The following MROH7 variants were observed in gnomAD, a reference collection of about 807,000 sequenced individuals.
MROH7 encodes maestro heat like repeat family member 7.
A neutral mutation model predicts 129.2 loss-of-function variants in MROH7; 113 were observed. The ratio of observed to expected loss-of-function variants is 0.87; its 90% CI spans 0.75 to 1.02. The LOEUF (loss-of-function observed/expected upper bound fraction) is 1.02. MROH7 is among the 50% of genes least tolerant of loss of function. The pLI is 0.00. For synonymous variants in MROH7, 655 were observed against 667.9 expected (o/e 0.98, Z 0.30); for missense variants, 1,601 against 1,671.3 (o/e 0.96, Z 0.73).
At chr1:54,666,556 T>C (rs1644818748) in intron 4 of MROH7, among the ~76,000 whole-genome samples, 2 of 148,300 alleles carry the variant, frequency 1.3e-5, no homozygotes, top group South Asian at 4.4e-4. Flanking sequence ...CATCTCAGCC[T>C]CCTGAGTAGC....
chr1:54,668,172 T>C lies in MROH7; in HGVS notation c.1306-682T>C, dbSNP rs1644841379. On this transcript the variant is annotated intron_variant, in intron 4 of 23. Transcript: ENST00000421030. ...AGAGGGAAAAAGTGGAAGCTTCCAG[T>C]TTCCTTAAGGACTAGTCCAGGAACT... 2.0e-5 allele frequency among the ~76,000 whole-genome samples: 3 copies of C among 152,342 alleles called. No individual in the cohort carries two copies. The South Asian group carries it at 6.2e-4, about 32-fold the overall frequency.
chr1:54,699,421 A>T (rs1210272986), intron 17 of MROH7: 1 of 151,900 alleles, frequency 6.6e-6, no homozygotes, highest in Non-Finnish European at 1.5e-5. Flanking sequence ...CTCCTGCCTC[A>T]GCTTCCCGAG....
At chr1:54,664,554 T>G (rs1325951960) in intron 3 of MROH7, among the ~76,000 whole-genome samples, 1 of 152,178 alleles carries the variant, frequency 6.6e-6, no homozygotes, top group African/African-American at 2.4e-5. Flanking sequence ...CAAAGCATAG[T>G]GAAGCAGGCA....
At chr1:54,679,204 C>G (rs949757782) in intron 11 of MROH7, 59 bp from the exon 12 acceptor site, 3 of 1,576,636 alleles carry the variant, frequency 1.9e-6, no homozygotes, top group South Asian at 1.1e-5. Context: ...GCACAAAGCT[C>G]GAAGCTCAAA....
intron 10 of MROH7, among the ~76,000 whole-genome samples, chr1:54,675,629 G>T (rs1260077977): frequency 6.7e-6 from 1 of 149,466 alleles, no homozygotes; most frequent in East Asian, 2.0e-4. Context: ...ACAGAGTCTT[G>T]CTCTGTTGCC....
chr1:54,709,959 G>A lies in MROH7; in HGVS notation c.3744G>A (p.Leu1248=), dbSNP rs765187913. 1.9e-6 allele frequency: 3 copies of A among 1,612,684 alleles called. No homozygotes were observed. The highest frequency in any genetic ancestry group is 2.5e-6 in the Non-Finnish European group (3 of 1,178,936). Reference sequence around the variant, plus strand: ...CCCATGACGCAGCTCTGGATAACTTGAGACATGACCCAGAAGCATCAGTGT... The same window carrying A: ...CCCATGACGCAGCTCTGGATAACTTAAGACATGACCCAGAAGCATCAGTGT... ...LNEVKAALDN[L]RHDPEASVCI... Residue 1248 remains leucine (L), a synonymous_variant, in exon 24 of 24, where the codon TTG becomes TTA. Coordinates refer to ENST00000421030, the MANE Select transcript of MROH7 (RefSeq NM_001039464.4).
At chr1:54,691,803 A>AGTGTGTGTGTGTGTGTGTGTGTGT (rs373106798) in intron 15 of MROH7, among the ~76,000 whole-genome samples, 4 of 104,188 alleles carry the variant, frequency 3.8e-5, no homozygotes, top group African/African-American at 1.6e-4. Context: ...AAAAAAAAAA[A>AGTGTGTGTGTGTGTGTGTGTGTGT]GTGTGTGTGT....
intron 1 of MROH7, among the ~76,000 whole-genome samples, chr1:54,643,921 A>T (rs1644424287): frequency 1.3e-5 from 2 of 152,198 alleles, no homozygotes; most frequent in African/African-American, 4.8e-5. Context: ...GATGAGAAAT[A>T]TGCTGTTATT....
chr1:54,664,800 G>T (rs1644785342), intron 3 of MROH7, among the ~76,000 whole-genome samples: 3 of 152,114 alleles, frequency 2.0e-5, no homozygotes, highest in African/African-American at 7.2e-5. Context: ...ATCACTGGAG[G>T]CAGGAGTTCG....
chr1:54,668,591 T>C (rs1644847992), intron 4 of MROH7, among the ~76,000 whole-genome samples: 1 of 152,186 alleles, frequency 6.6e-6, no homozygotes, highest in Non-Finnish European at 1.5e-5. Flanking sequence ...CTTAGCTGAC[T>C]GGAGAAGGGG....
intron 3 of MROH7, among the ~76,000 whole-genome samples, chr1:54,656,454 G>T (rs1644646928): frequency 1.4e-5 from 2 of 145,460 alleles, no homozygotes; most frequent in Non-Finnish European, 3.0e-5. Context: ...AGGTTGCAGT[G>T]AGCCGAGATT....
chr1:54,671,272 C>T (rs1043741231), intron 7 of MROH7, among the ~76,000 whole-genome samples: 2 of 151,562 alleles, frequency 1.3e-5, no homozygotes, highest in African/African-American at 2.4e-5. Context: ...TGGCAGCGGG[C>T]GCCTGTAGGC....
intron 8 of MROH7, 75 bp downstream of exon 8, chr1:54,673,261 G>A (rs1188232893): frequency 1.8e-6 from 2 of 1,142,768 alleles, no homozygotes; most frequent in Admixed American, 4.0e-5. Flanking sequence ...CAGGAGCAGT[G>A]GAGGCCAGAC....
At chr1:54,690,225 C>T (rs550958201) in intron 15 of MROH7, among the ~76,000 whole-genome samples, 11 of 150,828 alleles carry the variant, frequency 7.3e-5, no homozygotes, top group South Asian at 2.1e-4. Flanking sequence ...GCAGCACGGG[C>T]GCCATTTGGG....
intron 3 of MROH7, among the ~76,000 whole-genome samples, chr1:54,663,412 G>T (rs1422209532): frequency 6.6e-6 from 1 of 152,002 alleles, no homozygotes; most frequent in East Asian, 1.9e-4. Context: ...TTGCTCTGTT[G>T]CCTCAGCTGG....
At chr1:54,659,839 T>C (rs912566541) in intron 3 of MROH7, among the ~76,000 whole-genome samples, 11 of 152,208 alleles carry the variant, frequency 7.2e-5, no homozygotes, top group African/African-American at 2.7e-4. Flanking sequence ...AGTAGATTGT[T>C]TTTTGGTGTT....
At chr1:54,660,320 G>C (rs1644712420) in intron 3 of MROH7, among the ~76,000 whole-genome samples, 1 of 152,262 alleles carries the variant, frequency 6.6e-6, no homozygotes. Context: ...ATTCTAGACG[G>C]TGGAGCCCTC....
In MROH7 at chr1:54,678,864, TG is replaced by T. The variant is rs1645022990; in HGVS notation, c.2049+12del. On this transcript the variant is annotated intron_variant, in intron 11 of 23. Transcript: ENST00000421030. ...TCTGCGGGTGATCGAGGTGACTGCCTGGTGCCCATCCAGGAGCGGAGGGTGG... is the reference window on the plus strand; with the variant it reads ...TCTGCGGGTGATCGAGGTGACTGCCTGTGCCCATCCAGGAGCGGAGGGTGG... 1 of 1,605,906 alleles carries T rather than the reference TG, an allele frequency of 6.2e-7. No individual in the cohort carries two copies.
At position 54,694,658 on chromosome 1, in the gene MROH7, C is replaced by T. The variant is rs576288376; in HGVS notation, c.2850-718C>T. ...ATTTTTTTTGTATTTTTAGTAGAGA[C>T]GGGGTTTTACCATGTTGACCAGGCT... On this transcript the variant is annotated intron_variant, in intron 16 of 23. Transcript: ENST00000421030. 1.3e-4 allele frequency among the ~76,000 whole-genome samples: 20 copies of T among 152,190 alleles called. No individual in the cohort carries two copies. In the East Asian group the frequency reaches 2.1e-3, roughly 16 times the overall value.
Sources: gnomAD v4.1 joint callset for allele counts (sites outside exome capture counted in the v4.1 genomes callset) on GRCh38, gnomAD v4.1.1 for gene constraint, MANE v1.5 for transcripts, NCBI Gene and HGNC (gene_info 2026-07-23, HGNC 2026-07-21) for gene names.